Variants in LCOR observed in about 807,000 individuals in gnomAD.
LCOR encodes the protein ligand dependent nuclear receptor corepressor, also known as ligand-dependent corepressor.
Under a neutral mutation model 64.4 loss-of-function variants are expected in LCOR, and 14 were observed. The observed-to-expected ratio is 0.22, with a 90% CI of 0.14 to 0.34. The LOEUF (loss-of-function observed/expected upper bound fraction) is 0.34. Ranked by LOEUF, LCOR falls within the 10% of genes least tolerant of loss-of-function variation. LCOR has a pLI of 1.00. For missense variants in LCOR, 1,686 were observed against 1,765.3 expected (o/e 0.96, Z 0.80); for synonymous variants, 643 against 642.5 (o/e 1.00, Z -0.01).
intron 7 of LCOR, among the ~76,000 whole-genome samples, chr10:96,974,447 G>A (rs1243703170): frequency 1.3e-5 from 2 of 152,194 alleles, no homozygotes; most frequent in East Asian, 3.8e-4. Context: ...GCATGAACTA[G>A]CATGAGCTCA....
chr10:96,845,760 C>T (rs954855382), intron 2 of LCOR, among the ~76,000 whole-genome samples: 5 of 151,680 alleles, frequency 3.3e-5, no homozygotes, highest in African/African-American at 1.2e-4. Flanking sequence ...AGCCACCGCA[C>T]CCGGCCAAAA....
chr10:96,909,015 T>G (rs1367930782), intron 4 of LCOR, among the ~76,000 whole-genome samples: 1 of 152,162 alleles, frequency 6.6e-6, no homozygotes, highest in African/African-American at 2.4e-5. Flanking sequence ...GCGCCCGGCC[T>G]TCTTCTGTCC....
chr10:96,956,020 ACTTG>A (rs1343006000), intron 7 of LCOR: 25 of 1,500,202 alleles, frequency 1.7e-5, no homozygotes, highest in Non-Finnish European at 1.9e-5. Context: ...TTACTGTGAC[ACTTG>A]CTTCTTTGCA....
At chr10:96,912,617 TTCCTTC>T (rs1564623463) in intron 4 of LCOR, among the ~76,000 whole-genome samples, 7 of 148,342 alleles carry the variant, frequency 4.7e-5, no homozygotes, top group African/African-American at 1.5e-4. Flanking sequence ...TCTTCCTTCC[TTCCTTC>T]CTTCCTTCCT....
chr10:96,973,372 T>G (rs1460190734), intron 7 of LCOR, among the ~76,000 whole-genome samples: 4 of 152,204 alleles, frequency 2.6e-5, no homozygotes, highest in Admixed American at 2.6e-4. Context: ...TACACAACTT[T>G]GTCATAACCT....
chr10:96,992,547 GGTAT>G lies in LCOR; in HGVS notation c.*7415_*7418del, dbSNP rs1279941962. ...ACAACAAAGTGGGAATCCCATCATG[GGTAT>G]GGCTGTGCCAGGCATGGCATCGGGT... On this transcript the variant is annotated 3_prime_UTR_variant, in exon 8 of 8. Coordinates refer to ENST00000421806, the MANE Select transcript of LCOR (RefSeq NM_001346516.2). The G allele has an allele frequency of 6.6e-5, 10 of 152,252 alleles. No homozygotes were observed. Among genetic ancestry groups the G allele is most frequent in the Admixed American group, 6.5e-4 (10 of 15,286 alleles). 9.4% of individuals were successfully genotyped at this position (152,252 alleles called of 1,614,324 possible).
chr10:96,872,209 T>C (rs146179893), intron 2 of LCOR, among the ~76,000 whole-genome samples: 2 of 152,256 alleles, frequency 1.3e-5, no homozygotes, highest in African/African-American at 2.4e-5. Context: ...AGGGCACATA[T>C]GGCTTATGCC....
chr10:96,843,768 CT>C (rs1251172102), intron 2 of LCOR, among the ~76,000 whole-genome samples: 3 of 152,136 alleles, frequency 2.0e-5, no homozygotes, highest in Non-Finnish European at 2.9e-5. Context: ...TGGTTGTATC[CT>C]TTTGTATGGC....
At chr10:96,969,946 AT>A (rs751045855) in intron 7 of LCOR, among the ~76,000 whole-genome samples, 34 of 67,760 alleles carry the variant, frequency 5.0e-4, no homozygotes, top group African/African-American at 1.6e-3. Context: ...CACCTGGATA[AT>A]TTTTTTTTTT....
chr10:96,866,150 A>G (rs1028966718), intron 2 of LCOR, among the ~76,000 whole-genome samples: 4 of 152,190 alleles, frequency 2.6e-5, no homozygotes, highest in Admixed American at 1.3e-4. Context: ...TTCATATAGC[A>G]TATATTTCAC....
At chr10:96,933,173 T>G (rs1234846035) in intron 4 of LCOR, among the ~76,000 whole-genome samples, 1 of 152,186 alleles carries the variant, frequency 6.6e-6, no homozygotes. Context: ...GCGTATGTGT[T>G]TTTTAGGGGA....
chr10:96,911,710 C>G (rs945474967), intron 4 of LCOR, among the ~76,000 whole-genome samples: 9 of 152,094 alleles, frequency 5.9e-5, no homozygotes, highest in African/African-American at 1.7e-4. Context: ...CTGTGAGTGA[C>G]TGACTGACTG....
At position 96,994,325 on chromosome 10, in the gene LCOR, T is replaced by C. The variant is rs1169998987; in HGVS notation, c.*9191T>C. On this transcript the variant is annotated 3_prime_UTR_variant, in exon 8 of 8. Transcript: ENST00000421806. ...TGCCTTCGTGTCTGGGATTACACCA[T>C]GTAGGTCAGTATAAAGAGGGCAGTC... The C allele has an allele frequency of 4.6e-5, 7 of 152,322 alleles. No homozygotes were observed. In the East Asian group the frequency reaches 1.4e-3, roughly 29 times the overall value. 9.4% of individuals were successfully genotyped at this position (152,322 alleles called of 1,614,324 possible).
chr10:96,939,738 C>T (rs1229612153), intron 4 of LCOR, among the ~76,000 whole-genome samples: 3 of 152,144 alleles, frequency 2.0e-5, no homozygotes, highest in African/African-American at 7.2e-5. Flanking sequence ...CCGAGGCGGG[C>T]GGATCACAAG....
At chr10:96,890,576 T>G (rs987580824) in intron 2 of LCOR, among the ~76,000 whole-genome samples, 40 of 152,182 alleles carry the variant, frequency 2.6e-4, no homozygotes, top group Admixed American at 2.6e-3. Context: ...CTAACCACCC[T>G]TGCTAGAACT....
chr10:96,914,054 C>T (rs1441042960), intron 4 of LCOR, among the ~76,000 whole-genome samples: 1 of 152,098 alleles, frequency 6.6e-6, no homozygotes, highest in Admixed American at 6.5e-5. Context: ...TAATAGATAC[C>T]TTTCAGTGCC....
At chr10:96,885,604 C>T (rs1286298843) in intron 2 of LCOR, among the ~76,000 whole-genome samples, 1 of 144,238 alleles carries the variant, frequency 6.9e-6, no homozygotes, top group Non-Finnish European at 1.5e-5. Context: ...TGCTGTGTTG[C>T]CCAAGCTGAT....
At chr10:96,924,290 C>CCT (rs1847129573) in intron 4 of LCOR, among the ~76,000 whole-genome samples, 1 of 152,278 alleles carries the variant, frequency 6.6e-6, no homozygotes, top group South Asian at 2.1e-4. Flanking sequence ...GCAGCTTCAA[C>CCT]CTCCTGGGCT....
At chr10:96,919,493 TA>T (rs760666815) in intron 4 of LCOR, among the ~76,000 whole-genome samples, 8 of 152,142 alleles carry the variant, frequency 5.3e-5, no homozygotes, top group Non-Finnish European at 8.8e-5. Context: ...TGTATCTTTT[TA>T]TTTTTTTAAA....
Sources: allele counts gnomAD v4.1 joint callset (sites outside exome capture counted in the v4.1 genomes callset), GRCh38; gene constraint gnomAD v4.1.1; transcripts MANE v1.5; gene names NCBI Gene and HGNC (gene_info 2026-07-23, HGNC 2026-07-21).